Variants in SLC24A2 observed in about 807,000 individuals in gnomAD.
SLC24A2 encodes sodium/potassium/calcium exchanger 2.
SLC24A2 carries 36 observed loss-of-function variants against 62.0 expected under a neutral mutation model. The observed-to-expected ratio is 0.58, with a 90% CI of 0.44 to 0.77. The LOEUF (loss-of-function observed/expected upper bound fraction) is 0.77, where lower values mean the gene tolerates loss of function less well. SLC24A2 is among the 30% of genes least tolerant of loss of function. SLC24A2 has a pLI of 0.00. For synonymous variants in SLC24A2, 358 were observed against 294.0 expected (o/e 1.22, Z -2.23); for missense variants, 846 against 817.9 (o/e 1.03, Z -0.42).
chr9:20,024,576 G>A, the SLC24A2 span, among the ~76,000 whole-genome samples: 1 of 152,082 alleles, frequency 6.6e-6, no homozygotes, highest in African/African-American at 2.4e-5. Flanking sequence ...AACGTGATAA[G>A]ATTATGTGAT....
At chr9:20,258,821 C>CTATCTACCT in the SLC24A2 span, among the ~76,000 whole-genome samples, 5,751 of 127,250 alleles carry the variant, frequency 0.045, 251 homozygotes, top group East Asian at 0.22. Context: ...TCTACCTTAT[C>CTATCTACCT]TATCTATCTA....
the SLC24A2 span, among the ~76,000 whole-genome samples, chr9:19,831,153 G>C: frequency 6.6e-6 from 1 of 152,170 alleles, no homozygotes; most frequent in Non-Finnish European, 1.5e-5. Context: ...CACATCTCTT[G>C]ATACTATTGC....
intron 4 of SLC24A2, among the ~76,000 whole-genome samples, chr9:19,610,205 C>T (rs535290841): frequency 6.6e-6 from 1 of 152,152 alleles, no homozygotes; most frequent in Non-Finnish European, 1.5e-5. Context: ...AAATTTGAAT[C>T]TACACAAGGA....
At chr9:20,017,584 G>T in the SLC24A2 span, among the ~76,000 whole-genome samples, 4 of 152,236 alleles carry the variant, frequency 2.6e-5, no homozygotes, top group South Asian at 4.2e-4. Flanking sequence ...CAGGTAATCT[G>T]CAAGCTGAGG....
At chr9:19,974,375 A>C in the SLC24A2 span, among the ~76,000 whole-genome samples, 2 of 152,126 alleles carry the variant, frequency 1.3e-5, no homozygotes, top group African/African-American at 4.8e-5. Context: ...TAAGGTCTGT[A>C]CTCCAAGCAG....
Position 19,636,385 on chromosome 9 carries a change from T to TTCCCCC in SLC24A2, c.931-14087_931-14086insGGGGGA, listed in dbSNP as rs1343590936. 9.8e-3 allele frequency among the ~76,000 whole-genome samples: 248 copies of TTCCCCC among 25,356 alleles called. 36 individuals carry two copies. Among genetic ancestry groups the TTCCCCC allele is most frequent in the African/African-American group, 0.033 (235 of 7,114 alleles). The allele number at this position is 25,356 out of a possible 152,430, so 16.6% of individuals were successfully genotyped here. A position where few individuals can be genotyped will look rare whatever the true frequency, so the allele number is the denominator to read the frequency against. ...TTTCTTTCTTTCTTTCTTTCTTTCT[T>TTCCCCC]TCTCCCTCTCTCTCTCTCTCTCTTT... On this transcript the variant is annotated intron_variant, in intron 2 of 10. Transcript: ENST00000341998.
chr9:19,849,308 G>A, the SLC24A2 span, among the ~76,000 whole-genome samples: 13 of 152,248 alleles, frequency 8.5e-5, no homozygotes, highest in South Asian at 4.1e-4. Context: ...GAAGATACAC[G>A]TCTGTACACT....
At position 19,786,262 on chromosome 9, in the gene SLC24A2, T is replaced by C. The variant is rs922347829; in HGVS notation, c.605A>G (p.Asn202Ser). 48 of 1,614,038 alleles carry C rather than the reference T, an allele frequency of 3.0e-5. 1 individual carries two copies. Among genetic ancestry groups the C allele is most frequent in the Non-Finnish European group, 3.8e-5 (45 of 1,180,038 alleles). The change falls in exon 2 of 11, where the codon AAC becomes AGC. Residue 202 changes from asparagine to serine, a missense_variant. By Grantham distance (46) the Asn-to-Ser change is conservative. Transcript: ENST00000341998. The surrounding 1 kb of genome is among the most constrained non-coding windows in gnomAD (Gnocchi z 5.0). ...ACCTACAATTGTGCCTATGCCAACG[T>C]TGCTGTGAGCGATAAATACCCCTAT... ...SLIGVFIAHS[N>S]VGIGTIVGSA... is the part of the protein sequence containing the mutation.
chr9:20,177,853 C>T, the SLC24A2 span, among the ~76,000 whole-genome samples: 1 of 152,110 alleles, frequency 6.6e-6, no homozygotes, highest in Non-Finnish European at 1.5e-5. Flanking sequence ...ATAAGCATCT[C>T]TCTTTTGAAG....
chr9:19,955,531 T>C, the SLC24A2 span, among the ~76,000 whole-genome samples: 1 of 152,130 alleles, frequency 6.6e-6, no homozygotes, highest in Non-Finnish European at 1.5e-5. Context: ...TCAGCTACTT[T>C]TGTAGACAAG....
At chr9:20,209,831 C>T in the SLC24A2 span, among the ~76,000 whole-genome samples, 89 of 152,280 alleles carry the variant, frequency 5.8e-4, 1 homozygote, top group Non-Finnish European at 9.8e-4. Flanking sequence ...CAAGATTGTG[C>T]TTGGTAAAAA....
At chr9:19,964,465 C>A in the SLC24A2 span, among the ~76,000 whole-genome samples, 2 of 152,086 alleles carry the variant, frequency 1.3e-5, no homozygotes, top group African/African-American at 4.8e-5. Context: ...ATGCTAAGTG[C>A]CACTATGTGG....
the SLC24A2 span, among the ~76,000 whole-genome samples, chr9:20,007,532 C>G: frequency 6.6e-6 from 1 of 151,998 alleles, no homozygotes; most frequent in East Asian, 1.9e-4. Context: ...TATATAAATT[C>G]ATATACATAA....
At chr9:19,860,712 G>T in the SLC24A2 span, among the ~76,000 whole-genome samples, 1 of 152,088 alleles carries the variant, frequency 6.6e-6, no homozygotes, top group Admixed American at 6.5e-5. Flanking sequence ...GGGGAGCACA[G>T]TCCCCGATGG....
At chr9:19,525,750 T>C (rs1021955067) in intron 9 of SLC24A2, among the ~76,000 whole-genome samples, 1 of 145,282 alleles carries the variant, frequency 6.9e-6, no homozygotes, top group Admixed American at 7.0e-5. Flanking sequence ...CACATCCTTA[T>C]CAACACATGC....
At chr9:19,559,043 T>C (rs576144092) in intron 7 of SLC24A2, among the ~76,000 whole-genome samples, 5 of 152,358 alleles carry the variant, frequency 3.3e-5, no homozygotes, top group East Asian at 3.9e-4. Flanking sequence ...CCCATTCTTT[T>C]ACAACATGGT....
the SLC24A2 span, among the ~76,000 whole-genome samples, chr9:19,846,237 A>C: frequency 2.0e-4 from 30 of 152,192 alleles, no homozygotes; most frequent in East Asian, 5.4e-3. Flanking sequence ...ATCTTTTTGT[A>C]GGTTTAGAAG....
chr9:19,911,367 G>A, the SLC24A2 span, among the ~76,000 whole-genome samples: 22 of 152,080 alleles, frequency 1.4e-4, no homozygotes, highest in East Asian at 2.1e-3. Context: ...GAATAGTGCC[G>A]CAATAAACAT....
the SLC24A2 span, among the ~76,000 whole-genome samples, chr9:19,870,519 A>G: frequency 6.6e-6 from 1 of 152,160 alleles, no homozygotes; most frequent in East Asian, 1.9e-4. Flanking sequence ...TCTTGGGTAT[A>G]TACTTAGGAG....
Sources: allele counts gnomAD v4.1 joint callset (sites outside exome capture counted in the v4.1 genomes callset), GRCh38; gene constraint gnomAD v4.1.1; non-coding constraint Gnocchi (gnomAD v3.1); transcripts MANE v1.5; gene names NCBI Gene and HGNC (gene_info 2026-07-23, HGNC 2026-07-21).